The following CLSTN2 variants were observed in gnomAD, a reference collection of about 807,000 sequenced individuals.
The protein encoded by CLSTN2 is calsyntenin-2.
CLSTN2 carries 48 observed loss-of-function variants against 101.2 expected under a neutral mutation model. The observed-to-expected ratio is 0.47, with a 90% CI of 0.38 to 0.60. CLSTN2 has a LOEUF of 0.60. Ranked by LOEUF, CLSTN2 falls within the 20% of genes least tolerant of loss-of-function variation. The pLI is 0.00. For missense variants in CLSTN2, 1,160 were observed against 1,238.2 expected (o/e 0.94, Z 0.95); for synonymous variants, 481 against 463.6 (o/e 1.04, Z -0.48).
chr3:140,419,482 CAA>C lies in CLSTN2; in HGVS notation c.638-1631_638-1630del, dbSNP rs1169762724. ...TGGGTGACAGAGCCAGACTCTGTCTCAAAAAAAAAAAAATATATATATATATA... is the reference window on the plus strand; with the variant it reads ...TGGGTGACAGAGCCAGACTCTGTCTCAAAAAAAAAAATATATATATATATA... On this transcript the variant is annotated intron_variant, in intron 4 of 16. Coordinates refer to ENST00000458420, the MANE Select transcript of CLSTN2 (RefSeq NM_022131.3). 1.4e-3 allele frequency among the ~76,000 whole-genome samples: 27 copies of C among 19,984 alleles called. 8 individuals carry two copies. The highest frequency in any genetic ancestry group is 2.3e-3 in the African/African-American group (3 of 1,332). The allele number at this position is 19,984 out of a possible 152,430, so 13.1% of individuals were successfully genotyped here.
At position 139,979,138 on chromosome 3, in the gene CLSTN2, C is replaced by T. The variant is rs370376969; in HGVS notation, c.109+43655C>T. 1.8e-3 allele frequency among the ~76,000 whole-genome samples: 275 copies of T among 152,268 alleles called. 1 individual carries two copies. The highest frequency in any genetic ancestry group is 6.3e-3 in the African/African-American group (261 of 41,550). Reference sequence around the variant, plus strand: ...GCTTGACCCTGGTTTCTGAGACTTACACACTGGTGCCTCTGATCTGCAATA... The same window carrying T: ...GCTTGACCCTGGTTTCTGAGACTTATACACTGGTGCCTCTGATCTGCAATA... On this transcript the variant is annotated intron_variant, in intron 1 of 16. Transcript: ENST00000458420.
At chr3:140,440,802 C>T (rs976261648) in intron 5 of CLSTN2, among the ~76,000 whole-genome samples, 2 of 152,172 alleles carry the variant, frequency 1.3e-5, no homozygotes, top group African/African-American at 4.8e-5. Flanking sequence ...AAAGAAGAAA[C>T]TGCGGCTCAG....
At chr3:140,179,190 A>G (rs2010369710) in intron 2 of CLSTN2, among the ~76,000 whole-genome samples, 1 of 152,188 alleles carries the variant, frequency 6.6e-6, no homozygotes, top group Non-Finnish European at 1.5e-5. Context: ...ATATACAAGT[A>G]TTTATTGTAG....
chr3:140,501,019 C>T (rs1012932373), intron 8 of CLSTN2, among the ~76,000 whole-genome samples: 14 of 152,038 alleles, frequency 9.2e-5, no homozygotes, highest in Non-Finnish European at 1.6e-4. Flanking sequence ...GTTGAGTGTT[C>T]GGGTGAAGGG....
In CLSTN2 at chr3:140,247,710, T is replaced by G. The variant is rs550286430; in HGVS notation, c.232+71637T>G. On this transcript the variant is annotated intron_variant, in intron 2 of 16. Transcript: ENST00000458420. ...CATCTAACAGAGTGTGAGGGCAGTGTGGGGGGCTCATCAACAGTAAAGACA... is the reference window on the plus strand; with the variant it reads ...CATCTAACAGAGTGTGAGGGCAGTGGGGGGGGCTCATCAACAGTAAAGACA... 4.1e-3 allele frequency among the ~76,000 whole-genome samples: 623 copies of G among 152,182 alleles called. 3 individuals carry two copies. The highest frequency in any genetic ancestry group is 3.3e-3 in the Non-Finnish European group (223 of 67,976).
intron 8 of CLSTN2, among the ~76,000 whole-genome samples, chr3:140,484,253 G>T (rs1471878746): frequency 2.0e-5 from 3 of 152,198 alleles, no homozygotes; most frequent in Non-Finnish European, 4.4e-5. Flanking sequence ...GAAATTCTGG[G>T]TTGAAAATTC....
At chr3:140,472,047 A>T (rs1334424344) in intron 8 of CLSTN2, among the ~76,000 whole-genome samples, 4 of 152,114 alleles carry the variant, frequency 2.6e-5, no homozygotes, top group Non-Finnish European at 5.9e-5. Context: ...GAATGTTTCC[A>T]ATTCTCTCTG....
chr3:140,469,166 G>C (rs1033247395), intron 8 of CLSTN2, among the ~76,000 whole-genome samples: 2 of 152,144 alleles, frequency 1.3e-5, no homozygotes, highest in African/African-American at 4.8e-5. Context: ...CCTACTCAAG[G>C]TCCTAGCTCC....
At chr3:140,329,923 G>A (rs549811633) in intron 2 of CLSTN2, among the ~76,000 whole-genome samples, 4 of 152,340 alleles carry the variant, frequency 2.6e-5, no homozygotes, top group Admixed American at 6.5e-5. Context: ...TTCTTCCCCT[G>A]TTCAGGGAGG....
chr3:140,153,457 G>A (rs911050066), intron 1 of CLSTN2, among the ~76,000 whole-genome samples: 4 of 152,234 alleles, frequency 2.6e-5, no homozygotes, highest in Admixed American at 6.5e-5. Flanking sequence ...CTCCAGTTCT[G>A]GGGCAGGCCC....
At chr3:140,060,628 G>C (rs1315441224) in intron 1 of CLSTN2, among the ~76,000 whole-genome samples, 2 of 152,184 alleles carry the variant, frequency 1.3e-5, no homozygotes, top group African/African-American at 4.8e-5. Context: ...TGGCTCAGGG[G>C]AGGTGCTTCA....
At chr3:140,255,797 A>AT (rs1360409402) in intron 2 of CLSTN2, among the ~76,000 whole-genome samples, 6 of 152,168 alleles carry the variant, frequency 3.9e-5, no homozygotes, top group Admixed American at 2.6e-4. Context: ...CTAAAAAGGA[A>AT]TTTTTTTAAA....
chr3:140,265,910 G>A (rs1321241697), intron 2 of CLSTN2, among the ~76,000 whole-genome samples: 1 of 152,164 alleles, frequency 6.6e-6, no homozygotes, highest in Non-Finnish European at 1.5e-5. Context: ...TCCCTGCACT[G>A]GGAAAATGAG....
chr3:140,183,205 C>T (rs2010434977), intron 2 of CLSTN2, among the ~76,000 whole-genome samples: 2 of 152,112 alleles, frequency 1.3e-5, no homozygotes, highest in Admixed American at 6.6e-5. Flanking sequence ...TTAGGCCAAA[C>T]TAATGTTTAG....
chr3:140,073,133 AC>A (rs2008422916), intron 1 of CLSTN2, among the ~76,000 whole-genome samples: 1 of 152,190 alleles, frequency 6.6e-6, no homozygotes, highest in African/African-American at 2.4e-5. Flanking sequence ...GATCCAAAAC[AC>A]TGCTTTTCGG....
At chr3:140,085,136 T>C (rs1006157170) in intron 1 of CLSTN2, among the ~76,000 whole-genome samples, 2 of 152,366 alleles carry the variant, frequency 1.3e-5, no homozygotes, top group Admixed American at 6.5e-5. Flanking sequence ...TTGATTTTGT[T>C]TGCACATGTT....
intron 2 of CLSTN2, among the ~76,000 whole-genome samples, chr3:140,254,968 A>G (rs1260652534): frequency 6.6e-6 from 1 of 152,118 alleles, no homozygotes; most frequent in East Asian, 1.9e-4. Flanking sequence ...ACAAAAAACA[A>G]CCCCATTACA....
chr3:140,255,068 A>G (rs1393531301), intron 2 of CLSTN2, among the ~76,000 whole-genome samples: 1 of 152,182 alleles, frequency 6.6e-6, no homozygotes, highest in African/African-American at 2.4e-5. Context: ...ATCAGTAATC[A>G]TTAGGGAAAT....
intron 8 of CLSTN2, among the ~76,000 whole-genome samples, chr3:140,469,381 G>A (rs1473120353): frequency 6.6e-6 from 1 of 152,178 alleles, no homozygotes; most frequent in Non-Finnish European, 1.5e-5. Flanking sequence ...CAGTTCCCAT[G>A]CTAGCAATCC....
Sources: gnomAD v4.1 joint callset for allele counts (sites outside exome capture counted in the v4.1 genomes callset) on GRCh38, gnomAD v4.1.1 for gene constraint, MANE v1.5 for transcripts, NCBI Gene and HGNC (gene_info 2026-07-23, HGNC 2026-07-21) for gene names.